Variants in VPS13C observed in about 807,000 individuals in gnomAD.
VPS13C encodes intermembrane lipid transfer protein VPS13C.
In VPS13C, 358 loss-of-function variants were observed where a neutral mutation model predicts 456.8. The observed-to-expected ratio is 0.78, with a 90% CI of 0.72 to 0.86. The LOEUF is 0.86. VPS13C is among the 40% of genes least tolerant of loss of function. The pLI is 0.00. For synonymous variants in VPS13C, 1,578 were observed against 1,486.7 expected, an observed-to-expected ratio of 1.06 and a Z score of -1.41; for missense variants, 4,818 against 4,385.4, an observed-to-expected ratio of 1.10 and a Z score of -2.79.
chr15:61,880,719 T>C lies in VPS13C; in HGVS notation c.9892A>G (p.Lys3298Glu). Residue 3298 changes from lysine to glutamate, a missense_variant, in exon 73 of 85, where the codon AAG (lysine) becomes GAG (glutamate). Lys to Glu is a moderately conservative substitution (Grantham distance 56). Around this residue, in one of 3 missense-constraint regions of VPS13C, gnomAD observed 4,552 missense variants for 4,130.6 expected, o/e 1.10. Coordinates refer to ENST00000644861, the MANE Select transcript of VPS13C (RefSeq NM_020821.3). ...TDPEAERRRT[K>E]LIQQDIDALN... Reference sequence around the variant, plus strand: ...GCATCAATATCTTGTTGGATTAACTTTGTCTGAAAAAAATAAAATCAAGAA... The same window carrying C: ...GCATCAATATCTTGTTGGATTAACTCTGTCTGAAAAAAATAAAATCAAGAA... 2 of 1,571,092 alleles carry C rather than the reference T, an allele frequency of 1.3e-6. No homozygotes were observed. Among genetic ancestry groups the C allele is most frequent in the Non-Finnish European group, 8.6e-7 (1 of 1,160,466 alleles).
intron 16 of VPS13C, among the ~76,000 whole-genome samples, chr15:61,996,136 C>T (rs2046379120): frequency 2.6e-5 from 4 of 152,190 alleles, no homozygotes; most frequent in Admixed American, 2.6e-4. Flanking sequence ...GTCAAAATCT[C>T]AGTCTAATAC....
rs144525924 is a variant in VPS13C at position 62,028,380 on chromosome 15, A to G, written c.426T>C (p.Phe142=). Residue 142 remains phenylalanine (F), a synonymous_variant, in exon 6 of 85, where the codon TTT becomes TTC. Coordinates refer to ENST00000644861, the MANE Select transcript of VPS13C (RefSeq NM_020821.3). The part of the protein sequence containing the change: ...SGEFIYGLEN[F]VYKDIKPGRK... ...CACCAGGCTTGATGTCCTTGTAAAC[A>G]AAGTTCTCCAAGCCATATATGAACT... is the stretch of plus-strand genomic sequence containing the variant. The G allele has an allele frequency of 5.7e-4, 927 of 1,613,054 alleles. 1 individual carries two copies. Among genetic ancestry groups the G allele is most frequent in the South Asian group, 9.7e-4 (88 of 91,038 alleles).
rs753221067 is a variant in VPS13C at position 62,044,198 on chromosome 15, T to TA, written c.144+13dup. 2.0e-4 allele frequency: 296 copies of TA among 1,472,420 alleles called. No individual in the cohort carries two copies. The highest frequency in any genetic ancestry group is 3.8e-4 in the Admixed American group (20 of 52,136). The allele number at this position is 1,472,420 out of a possible 1,614,324, so 91.2% of individuals were successfully genotyped here. ...AATTAAGTGAGTTATTAGCATAGTT[T>TA]AAAAAAAACTTACCAGGGCATTTTC... On this transcript the variant is annotated intron_variant, in intron 2 of 84. Coordinates refer to ENST00000644861, the MANE Select transcript of VPS13C (RefSeq NM_020821.3).
At chr15:61,928,437 T>C (rs991012432) in intron 51 of VPS13C, among the ~76,000 whole-genome samples, 2 of 152,176 alleles carry the variant, frequency 1.3e-5, no homozygotes, top group Non-Finnish European at 2.9e-5. Flanking sequence ...TCAATGCATA[T>C]ATAAATATAG....
intron 18 of VPS13C, among the ~76,000 whole-genome samples, chr15:61,987,738 G>A (rs2162062): frequency 0.4 from 60,743 of 152,012 alleles, 13,345 homozygotes; most frequent in Admixed American, 0.52. Context: ...AAAAAGCCTG[G>A]CAATATCAAA....
chr15:61,967,833 T>C (rs1408760735), intron 28 of VPS13C, among the ~76,000 whole-genome samples: 1 of 152,000 alleles, frequency 6.6e-6, no homozygotes, highest in African/African-American at 2.4e-5. Context: ...TAAACTCCTT[T>C]TTAACTTAAA....
intron 66 of VPS13C, among the ~76,000 whole-genome samples, chr15:61,906,077 G>C (rs2043143682): frequency 6.6e-6 from 1 of 152,006 alleles, no homozygotes; most frequent in Admixed American, 6.6e-5. Flanking sequence ...TTTTCATAAA[G>C]CCCATGTTGG....
chr15:61,890,106 C>A (rs2042604654), intron 67 of VPS13C, 59 bp downstream of exon 67: 1 of 1,505,382 alleles, frequency 6.6e-7, no homozygotes, highest in Admixed American at 1.8e-5. Context: ...TTCAAATCGG[C>A]TATTATGAAC....
At chr15:62,045,299 T>C (rs2048364210) in intron 1 of VPS13C, among the ~76,000 whole-genome samples, 1 of 152,062 alleles carries the variant, frequency 6.6e-6, no homozygotes, top group Non-Finnish European at 1.5e-5. Flanking sequence ...AAAATGCAAC[T>C]ACTTTTGCAC....
chr15:62,023,365 TA>T (rs1402058494), intron 8 of VPS13C, 45 bp downstream of exon 8: 4 of 1,159,608 alleles, frequency 3.4e-6, no homozygotes, highest in African/African-American at 3.2e-5. Flanking sequence ...AAGAATATTA[TA>T]AAATACATAT....
intron 59 of VPS13C, among the ~76,000 whole-genome samples, chr15:61,917,907 G>A (rs2043524808): frequency 6.6e-6 from 1 of 151,950 alleles, no homozygotes. Context: ...CAAATACAAA[G>A]GCAATCTAAT....
In VPS13C at chr15:62,038,409, T is replaced by C. The variant is rs536269858; in HGVS notation, c.187+2915A>G. 2.5e-3 allele frequency among the ~76,000 whole-genome samples: 377 copies of C among 152,056 alleles called. 1 individual carries two copies. The highest frequency in any genetic ancestry group is 4.4e-3 in the Non-Finnish European group (301 of 67,988). On this transcript the variant is annotated intron_variant, in intron 3 of 84. Coordinates refer to ENST00000644861, the MANE Select transcript of VPS13C (RefSeq NM_020821.3). ...TTCAAGAACAGCATGGGCAACATGA[T>C]GAAACTGTATCTCTACAAAAAATAC...
chr15:61,987,407 AG>A (rs2046088714), intron 18 of VPS13C, among the ~76,000 whole-genome samples: 1 of 152,210 alleles, frequency 6.6e-6, no homozygotes, highest in Admixed American at 6.5e-5. Context: ...GCAGAAGGCA[AG>A]GGAAGAGCAA....
chr15:61,942,240 A>G (rs1347082826), intron 45 of VPS13C, among the ~76,000 whole-genome samples, 173 bp from the exon 46 acceptor site: 5 of 151,894 alleles, frequency 3.3e-5, no homozygotes, highest in Non-Finnish European at 7.4e-5. Context: ...GCTATTAACA[A>G]TAGTTACTGT....
At chr15:61,910,881 A>T (rs4775451) in intron 63 of VPS13C, among the ~76,000 whole-genome samples, 1 of 151,808 alleles carries the variant, frequency 6.6e-6, no homozygotes. Flanking sequence ...TAGAATACTA[A>T]GTAAATTCTA....
Position 61,856,411 on chromosome 15 carries a change from T to A in VPS13C, c.10953-2A>T. 6.2e-7 allele frequency: 1 copy of A among 1,608,884 alleles called. No individual in the cohort carries two copies. ...ACTTCCTTTATACACAACACTCGCC[T>A]ATTTTGCAAAAGAAAACAAAAACTT... On this transcript the variant is annotated splice_acceptor_variant, in intron 82 of 84. Transcript: ENST00000644861. LOFTEE classifies it high-confidence loss of function.
At chr15:61,937,619 C>T (rs1208664935) in intron 47 of VPS13C, among the ~76,000 whole-genome samples, 1 of 152,144 alleles carries the variant, frequency 6.6e-6, no homozygotes, top group African/African-American at 2.4e-5. Flanking sequence ...GAACTACTGG[C>T]GCCCGCCACC....
At chr15:61,855,367 A>T (rs965662571) in intron 83 of VPS13C, among the ~76,000 whole-genome samples, 27 of 152,292 alleles carry the variant, frequency 1.8e-4, no homozygotes, top group African/African-American at 6.0e-4. Flanking sequence ...TAACTGAGGA[A>T]ACTATAAAAT....
intron 76 of VPS13C, 67 bp from the exon 77 acceptor site, chr15:61,875,018 G>C: frequency 1.5e-6 from 2 of 1,359,802 alleles, no homozygotes; most frequent in Non-Finnish European, 1.9e-6. Flanking sequence ...TACTTTAATA[G>C]TTCAGGGTTT....
Sources: gnomAD v4.1 joint callset for allele counts (sites outside exome capture counted in the v4.1 genomes callset) on GRCh38, gnomAD v4.1.1 for gene constraint, gnomAD v4.1.1 regional missense constraint, MANE v1.5 for transcripts, NCBI Gene and HGNC (gene_info 2026-07-23, HGNC 2026-07-21) for gene names.